The following SNTG2 variants were observed in gnomAD, a reference collection of about 807,000 sequenced individuals.
SNTG2 encodes the protein syntrophin gamma 2, also known as gamma-2-syntrophin.
SNTG2 carries 74 observed loss-of-function variants against 70.9 expected under a neutral mutation model. That is an observed-to-expected ratio of 1.04 (90% confidence interval 0.86 to 1.27). The LOEUF is 1.27. Ranked by LOEUF, SNTG2 falls within the 50% of genes most tolerant of loss-of-function variation. The pLI is 0.00. For missense variants in SNTG2, 717 were observed against 690.7 expected (o/e 1.04, Z -0.43); for synonymous variants, 278 against 273.8 (o/e 1.02, Z -0.15).
At chr2:1,178,740 T>G (rs1671652304) in intron 8 of SNTG2, among the ~76,000 whole-genome samples, 1 of 151,838 alleles carries the variant, frequency 6.6e-6, no homozygotes, top group East Asian at 1.9e-4. Flanking sequence ...TCAATGTTCA[T>G]CAAGGATATT....
intron 8 of SNTG2, among the ~76,000 whole-genome samples, chr2:1,194,421 T>G (rs1400356893): frequency 6.6e-6 from 1 of 152,224 alleles, no homozygotes; most frequent in Non-Finnish European, 1.5e-5. Context: ...AGTATAGGAA[T>G]GTGGGAATCT....
intron 16 of SNTG2, among the ~76,000 whole-genome samples, chr2:1,326,672 A>G (rs1681775417): frequency 1.3e-5 from 2 of 152,298 alleles, no homozygotes; most frequent in South Asian, 4.1e-4. Context: ...TTAATATTAC[A>G]TGAAAATCTT....
At chr2:1,035,679 G>C (rs925855671) in intron 1 of SNTG2, among the ~76,000 whole-genome samples, 2 of 152,116 alleles carry the variant, frequency 1.3e-5, no homozygotes, top group East Asian at 3.9e-4. Context: ...TTTGTTGCTG[G>C]AAAATCTGTT....
chr2:1,204,364 A>G (rs1673493536), intron 8 of SNTG2, among the ~76,000 whole-genome samples: 2 of 152,262 alleles, frequency 1.3e-5, no homozygotes, highest in Non-Finnish European at 2.9e-5. Flanking sequence ...TTCACTGTAG[A>G]AAATACAGCA....
At chr2:1,148,601 C>G (rs949615108) in intron 6 of SNTG2, among the ~76,000 whole-genome samples, 2 of 152,312 alleles carry the variant, frequency 1.3e-5, no homozygotes, top group South Asian at 4.1e-4. Context: ...TTACCTGACA[C>G]TAAGCCTGAG....
At chr2:964,519 G>T (rs1448533530) in intron 1 of SNTG2, among the ~76,000 whole-genome samples, 1 of 152,208 alleles carries the variant, frequency 6.6e-6, no homozygotes, top group Non-Finnish European at 1.5e-5. Context: ...AAATGTGTTA[G>T]GGAGGTTCCC....
At chr2:1,161,632 C>T (rs1670284040) in intron 6 of SNTG2, 1 of 152,182 alleles carries the variant, frequency 6.6e-6, no homozygotes, top group Non-Finnish European at 1.5e-5. Context: ...CACATATATG[C>T]TTCAAACTAA....
intron 14 of SNTG2, among the ~76,000 whole-genome samples, chr2:1,308,054 C>T (rs1450255625): frequency 6.6e-6 from 1 of 152,204 alleles, no homozygotes; most frequent in African/African-American, 2.4e-5. Context: ...TCAGAATTTT[C>T]TCAGGAAAGT....
intron 1 of SNTG2, among the ~76,000 whole-genome samples, chr2:1,026,977 A>T (rs947991476): frequency 3.9e-5 from 6 of 152,164 alleles, no homozygotes; most frequent in Admixed American, 3.3e-4. Context: ...TGGTTCTTCC[A>T]CAGTAACTTG....
At chr2:960,452 T>C (rs1660307872) in intron 1 of SNTG2, among the ~76,000 whole-genome samples, 1 of 152,222 alleles carries the variant, frequency 6.6e-6, no homozygotes, top group African/African-American at 2.4e-5. Flanking sequence ...TGGATTCCTG[T>C]TGTCTCCCAG....
intron 16 of SNTG2, among the ~76,000 whole-genome samples, chr2:1,366,221 A>G (rs891293806): frequency 4.6e-5 from 7 of 152,250 alleles, no homozygotes; most frequent in Non-Finnish European, 7.3e-5. Context: ...TTATGCAAAC[A>G]AAGAAGAAAG....
At chr2:1,168,945 G>T (rs906201788) in intron 7 of SNTG2, among the ~76,000 whole-genome samples, 2 of 152,192 alleles carry the variant, frequency 1.3e-5, no homozygotes, top group Non-Finnish European at 2.9e-5. Flanking sequence ...CGGCACAGTG[G>T]TGCACCCCTG....
At chr2:1,098,507 C>T (rs1270574221) in intron 4 of SNTG2, 97 bp downstream of exon 4, 8 of 1,281,592 alleles carry the variant, frequency 6.2e-6, no homozygotes, top group East Asian at 4.7e-5. Context: ...GTGTTTTGCT[C>T]GATTACCTAA....
At chr2:1,127,500 G>C (rs984743339) in intron 4 of SNTG2, among the ~76,000 whole-genome samples, 1 of 152,068 alleles carries the variant, frequency 6.6e-6, no homozygotes, top group African/African-American at 2.4e-5. Flanking sequence ...GAATGTCATT[G>C]GTATTTTGAT....
chr2:1,353,735 A>T lies in SNTG2; in HGVS notation c.1489-13608A>T, dbSNP rs866418834. ...AACTAAGAACCCAGGATGGCTGCTC[A>T]TCGGAGGGGCCAGTCATCTCACAGA... On this transcript the variant is annotated intron_variant, in intron 16 of 16. Coordinates refer to ENST00000308624, the MANE Select transcript of SNTG2 (RefSeq NM_018968.4). This position sits in a 1 kb window ranked among gnomAD's most constrained non-coding sequence, Gnocchi z 4.2. 6.6e-6 allele frequency: 1 copy of T among 152,212 alleles called. No homozygotes were observed. The highest frequency in any genetic ancestry group is 2.4e-5 in the African/African-American group (1 of 41,458). 9.4% of individuals were successfully genotyped at this position (152,212 alleles called of 1,614,324 possible). A position where few individuals can be genotyped will look rare whatever the true frequency, so the allele number is the denominator to read the frequency against.
intron 9 of SNTG2, among the ~76,000 whole-genome samples, chr2:1,213,880 T>C (rs1292024463): frequency 1.1e-4 from 16 of 152,070 alleles, no homozygotes; most frequent in Admixed American, 1.0e-3. Context: ...AGTAGTTTTA[T>C]AGTTTCAGGT....
intron 14 of SNTG2, among the ~76,000 whole-genome samples, chr2:1,294,627 G>C (rs1006508760): frequency 2.0e-5 from 3 of 152,210 alleles, no homozygotes; most frequent in Non-Finnish European, 2.9e-5. Flanking sequence ...TTCATGTAAA[G>C]GGGTTCATCA....
At chr2:1,033,526 G>T (rs372691779) in intron 1 of SNTG2, among the ~76,000 whole-genome samples, 2 of 79,368 alleles carry the variant, frequency 2.5e-5, no homozygotes, top group Non-Finnish European at 7.7e-5. Flanking sequence ...GATGGAAACA[G>T]GGTATGTTAA....
intron 1 of SNTG2, among the ~76,000 whole-genome samples, chr2:1,082,705 G>A (rs912355329): frequency 2.6e-5 from 4 of 152,184 alleles, no homozygotes; most frequent in Admixed American, 2.0e-4. Flanking sequence ...GCATGTGGCC[G>A]GGCATAACTG....
Sources: allele counts gnomAD v4.1 joint callset (sites outside exome capture counted in the v4.1 genomes callset), GRCh38; gene constraint gnomAD v4.1.1; non-coding constraint Gnocchi (gnomAD v3.1); transcripts MANE v1.5; gene names NCBI Gene and HGNC (gene_info 2026-07-23, HGNC 2026-07-21).